SHISA6: variants seen among roughly 807,000 people sequenced by gnomAD.
SHISA6 encodes the protein protein shisa-6.
A neutral mutation model predicts 47.9 loss-of-function variants in SHISA6; 22 were observed. That is an observed-to-expected ratio of 0.46 (90% CI 0.33 to 0.66). The LOEUF (loss-of-function observed/expected upper bound fraction) is 0.66, where lower values mean the gene tolerates loss of function less well. SHISA6 is among the 30% of genes least tolerant of loss of function. SHISA6 has a pLI of 0.02. For missense variants in SHISA6, 680 were observed against 764.6 expected, an observed-to-expected ratio of 0.89 and a Z score of 1.30; for synonymous variants, 388 against 337.8, an observed-to-expected ratio of 1.15 and a Z score of -1.63.
chr17:11,554,680 C>T (rs1381904813), intron 4 of SHISA6, among the ~76,000 whole-genome samples: 1 of 152,202 alleles, frequency 6.6e-6, no homozygotes, highest in East Asian at 1.9e-4. Flanking sequence ...TGCCTCACTT[C>T]TGGGAATGGT....
intron 3 of SHISA6, among the ~76,000 whole-genome samples, chr17:11,545,725 G>C (rs2071877579): frequency 6.6e-6 from 1 of 152,188 alleles, no homozygotes; most frequent in African/African-American, 2.4e-5. Flanking sequence ...AGAAGGCTGT[G>C]GGTCAGAACT....
chr17:11,482,241 T>G (rs954450023), intron 3 of SHISA6, among the ~76,000 whole-genome samples: 2 of 152,250 alleles, frequency 1.3e-5, no homozygotes, highest in Non-Finnish European at 2.9e-5. Flanking sequence ...GATGTTTGTT[T>G]TAATTTCAGA....
At chr17:11,392,223 G>C (rs1214754296) in intron 3 of SHISA6, among the ~76,000 whole-genome samples, 1 of 151,840 alleles carries the variant, frequency 6.6e-6, no homozygotes, top group African/African-American at 2.4e-5. Flanking sequence ...ATGGTTTTCT[G>C]GTTTTTCACT....
At chr17:11,557,368 A>C (rs2071991961) in intron 5 of SHISA6, among the ~76,000 whole-genome samples, 2 of 152,164 alleles carry the variant, frequency 1.3e-5, no homozygotes, top group African/African-American at 4.8e-5. Context: ...GGCGGAGTTC[A>C]GGGACTTGGG....
intron 1 of SHISA6, among the ~76,000 whole-genome samples, chr17:11,249,741 G>T (rs1907732917): frequency 6.6e-6 from 1 of 152,212 alleles, no homozygotes; most frequent in African/African-American, 2.4e-5. Flanking sequence ...AATTTTCCTA[G>T]GGTTGATTTG....
At chr17:11,377,713 A>G (rs891095666) in intron 2 of SHISA6, among the ~76,000 whole-genome samples, 4 of 152,180 alleles carry the variant, frequency 2.6e-5, no homozygotes, top group Non-Finnish European at 4.4e-5. Context: ...AGAGGTTTTC[A>G]TTGAAGTCAC....
At chr17:11,553,514 C>A (rs1313755819) in intron 4 of SHISA6, among the ~76,000 whole-genome samples, 2 of 152,152 alleles carry the variant, frequency 1.3e-5, no homozygotes, top group African/African-American at 2.4e-5. Context: ...GTTGATGAGA[C>A]CTGGTCCCTG....
At chr17:11,380,957 G>A (rs1912986128) in intron 3 of SHISA6, among the ~76,000 whole-genome samples, 1 of 152,196 alleles carries the variant, frequency 6.6e-6, no homozygotes, top group African/African-American at 2.4e-5. Context: ...CAGAGAAGGA[G>A]AAAGACAGAA....
intron 1 of SHISA6, among the ~76,000 whole-genome samples, chr17:11,242,388 C>T (rs558953733): frequency 6.6e-5 from 10 of 152,298 alleles, no homozygotes; most frequent in African/African-American, 2.4e-4. Context: ...GGCATGAGGG[C>T]ACTTTGGTGT....
chr17:11,351,247 A>G (rs980843107), intron 2 of SHISA6, among the ~76,000 whole-genome samples: 1 of 152,170 alleles, frequency 6.6e-6, no homozygotes, highest in African/African-American at 2.4e-5. Context: ...ATCATGGCAC[A>G]TGTATACCTG....
intron 3 of SHISA6, among the ~76,000 whole-genome samples, chr17:11,423,360 T>C (rs1914514707): frequency 1.3e-5 from 2 of 150,162 alleles, no homozygotes; most frequent in South Asian, 2.1e-4. Flanking sequence ...GATAGATAGA[T>C]AGATAGATAT....
At chr17:11,377,156 A>G (rs990699976) in intron 2 of SHISA6, among the ~76,000 whole-genome samples, 2 of 152,188 alleles carry the variant, frequency 1.3e-5, no homozygotes, top group Admixed American at 6.5e-5. Context: ...TGATTTGACT[A>G]AAGAATTCTT....
intron 1 of SHISA6, among the ~76,000 whole-genome samples, chr17:11,252,973 T>C (rs1428725493): frequency 6.6e-6 from 1 of 152,204 alleles, no homozygotes; most frequent in African/African-American, 2.4e-5. Flanking sequence ...ATCAATGCGT[T>C]TCAGTGCTCA....
intron 2 of SHISA6, among the ~76,000 whole-genome samples, chr17:11,277,111 AAAATTGG>A (rs917346734): frequency 6.6e-6 from 1 of 152,080 alleles, no homozygotes; most frequent in Admixed American, 6.5e-5. Context: ...TACCCAAAGG[AAAATTGG>A]AAATGTTTGA....
intron 2 of SHISA6, among the ~76,000 whole-genome samples, chr17:11,301,328 A>C (rs1002904012): frequency 6.6e-6 from 1 of 152,238 alleles, no homozygotes; most frequent in East Asian, 1.9e-4. Context: ...CAAATTCCCC[A>C]GGTGGGTAAA....
chr17:11,398,704 TGCCTCA>T (rs910900928), intron 3 of SHISA6, among the ~76,000 whole-genome samples: 17 of 152,112 alleles, frequency 1.1e-4, no homozygotes, highest in Non-Finnish European at 2.1e-4. Flanking sequence ...GCAAATCTCC[TGCCTCA>T]GCCTCCCAAG....
intron 3 of SHISA6, among the ~76,000 whole-genome samples, chr17:11,479,784 T>A (rs957607109): frequency 2.6e-5 from 4 of 151,998 alleles, no homozygotes; most frequent in African/African-American, 9.6e-5. Flanking sequence ...TTTAATACAT[T>A]GTTGCTATTA....
At chr17:11,250,722 G>A (rs16944467) in intron 1 of SHISA6, among the ~76,000 whole-genome samples, 2,266 of 152,302 alleles carry the variant, frequency 0.015, 52 homozygotes, top group African/African-American at 0.051. Flanking sequence ...GGAGGAGTCA[G>A]TCTTGCTGTG....
chr17:11,436,980 G>C (rs1007146997), intron 3 of SHISA6, among the ~76,000 whole-genome samples: 3 of 152,184 alleles, frequency 2.0e-5, no homozygotes, highest in South Asian at 2.1e-4. Context: ...TGTATATCAC[G>C]TGTTGCTTAA....
Sources: allele counts gnomAD v4.1 joint callset (sites outside exome capture counted in the v4.1 genomes callset), GRCh38; gene constraint gnomAD v4.1.1; transcripts MANE v1.5; gene names NCBI Gene and HGNC (gene_info 2026-07-23, HGNC 2026-07-21).